The following CCDC3 variants were observed in gnomAD, a reference collection of about 807,000 sequenced individuals.
The protein encoded by CCDC3 is coiled-coil domain-containing protein 3.
CCDC3 carries 24 observed loss-of-function variants against 21.4 expected under a neutral mutation model. The observed-to-expected ratio is 1.12, with a 90% CI of 0.81 to 1.58. The LOEUF is 1.58. Ranked by LOEUF, CCDC3 falls within the 40% of genes most tolerant of loss-of-function variation. The pLI, the probability that CCDC3 is intolerant of heterozygous loss-of-function variation, is 0.00. For missense variants in CCDC3, 425 were observed against 360.9 expected (o/e 1.18, Z -1.44); for synonymous variants, 186 against 166.0 (o/e 1.12, Z -0.93).
intron 2 of CCDC3, among the ~76,000 whole-genome samples, chr10:12,977,721 T>A (rs1490808723): frequency 6.6e-6 from 1 of 152,216 alleles, no homozygotes; most frequent in African/African-American, 2.4e-5. Context: ...TAGGAAAGAT[T>A]TATTGCCAAC....
intron 2 of CCDC3, among the ~76,000 whole-genome samples, chr10:12,913,085 T>C (rs555217261): frequency 7.5e-4 from 114 of 152,354 alleles, no homozygotes; most frequent in African/African-American, 2.5e-3. Context: ...TCAAGGTCTT[T>C]TGTGGCTCCA....
At chr10:13,036,682 A>G (rs1836382145) in intron 5 of CCDC3, among the ~76,000 whole-genome samples, 1 of 151,738 alleles carries the variant, frequency 6.6e-6, no homozygotes, top group Non-Finnish European at 1.5e-5. Context: ...ATGGGGTTTC[A>G]CCATGTTGGC....
At chr10:12,943,821 T>C (rs1225610390) in intron 2 of CCDC3, among the ~76,000 whole-genome samples, 1 of 151,624 alleles carries the variant, frequency 6.6e-6, no homozygotes, top group Non-Finnish European at 1.5e-5. Flanking sequence ...AGGAAGAGAG[T>C]TTTTCTCTTT....
At chr10:12,934,696 C>T (rs1251006) in intron 2 of CCDC3, among the ~76,000 whole-genome samples, 19,077 of 152,084 alleles carry the variant, frequency 0.13, 1,506 homozygotes, top group African/African-American at 0.22. Context: ...TACATAATGG[C>T]CCTCTTTATA....
At chr10:12,900,310 C>T (rs1476991064) in intron 2 of CCDC3, among the ~76,000 whole-genome samples, 1 of 152,002 alleles carries the variant, frequency 6.6e-6, no homozygotes, top group Non-Finnish European at 1.5e-5. Context: ...TCTCCTTTCT[C>T]CCATTTTACC....
At chr10:12,981,414 G>A (rs755981840) in intron 2 of CCDC3, among the ~76,000 whole-genome samples, 1 of 151,972 alleles carries the variant, frequency 6.6e-6, no homozygotes, top group Non-Finnish European at 1.5e-5. Context: ...CAGAACTCCT[G>A]ACCTCAGGTG....
chr10:13,081,163 TAA>T (rs35141816), intron 3 of CCDC3, among the ~76,000 whole-genome samples: 2,585 of 128,354 alleles, frequency 0.02, 66 homozygotes, highest in African/African-American at 0.066. Flanking sequence ...AACTATAAAG[TAA>T]AAAAAAAAAA....
At chr10:13,014,464 A>AG (rs1389109280) in intron 5 of CCDC3, among the ~76,000 whole-genome samples, 2 of 49,680 alleles carry the variant, frequency 4.0e-5, no homozygotes, top group African/African-American at 8.6e-5. Flanking sequence ...AAAAGAAAAA[A>AG]AAAAAAGAAA....
chr10:13,065,795 C>T (rs1458504265), intron 4 of CCDC3, among the ~76,000 whole-genome samples: 2 of 152,178 alleles, frequency 1.3e-5, no homozygotes, highest in Non-Finnish European at 2.9e-5. Context: ...GTCAATCATA[C>T]ATCAATGTCA....
At chr10:13,085,509 C>T (rs904587181) in intron 3 of CCDC3, among the ~76,000 whole-genome samples, 2 of 152,196 alleles carry the variant, frequency 1.3e-5, no homozygotes, top group East Asian at 3.8e-4. Flanking sequence ...AAATCCGTGA[C>T]CCCATCCCCA....
At chr10:12,960,559 G>A (rs1835165611) in intron 2 of CCDC3, among the ~76,000 whole-genome samples, 1 of 152,196 alleles carries the variant, frequency 6.6e-6, no homozygotes, top group South Asian at 2.1e-4. Context: ...AGCCCAAGAT[G>A]CTGGACGTGC....
chr10:12,964,608 G>C (rs1055476303), intron 2 of CCDC3, among the ~76,000 whole-genome samples: 1 of 152,198 alleles, frequency 6.6e-6, no homozygotes, highest in Non-Finnish European at 1.5e-5. Context: ...CGTGCCTGGA[G>C]CTACCACTAC....
At chr10:13,019,487 T>C (rs1836117927) in intron 5 of CCDC3, among the ~76,000 whole-genome samples, 1 of 144,632 alleles carries the variant, frequency 6.9e-6, no homozygotes, top group Non-Finnish European at 1.5e-5. Context: ...TACTGATCTT[T>C]CCGTCTGTGT....
intron 2 of CCDC3, among the ~76,000 whole-genome samples, chr10:12,905,756 T>A (rs1260994279): frequency 6.6e-6 from 1 of 152,212 alleles, no homozygotes; most frequent in South Asian, 2.1e-4. Flanking sequence ...TCCCTTGACA[T>A]TGGACAGATG....
chr10:12,934,033 C>T (rs1589012224), intron 2 of CCDC3, among the ~76,000 whole-genome samples: 2 of 151,988 alleles, frequency 1.3e-5, no homozygotes, highest in East Asian at 3.9e-4. Context: ...AAGTTCAGGC[C>T]ACTGATATTA....
intron 5 of CCDC3, among the ~76,000 whole-genome samples, chr10:13,006,749 G>T (rs1228681806): frequency 6.6e-6 from 1 of 152,084 alleles, no homozygotes. Context: ...TTCCTCAAGG[G>T]CACCTGGCTT....
intron 2 of CCDC3, among the ~76,000 whole-genome samples, chr10:12,910,145 C>CT (rs895175389): frequency 7.9e-5 from 12 of 152,194 alleles, no homozygotes; most frequent in Non-Finnish European, 1.6e-4. Context: ...CAGACACAGG[C>CT]TTTTTTCTGC....
intron 2 of CCDC3, among the ~76,000 whole-genome samples, chr10:12,957,223 C>T (rs2131253404): frequency 6.6e-6 from 1 of 152,302 alleles, no homozygotes; most frequent in African/African-American, 2.4e-5. Flanking sequence ...ATTTCCACTT[C>T]CTAACTAACT....
chr10:12,981,984 G>T (rs949295576), intron 2 of CCDC3, among the ~76,000 whole-genome samples: 3 of 151,716 alleles, frequency 2.0e-5, no homozygotes, highest in African/African-American at 7.3e-5. Flanking sequence ...TTAGCTGGGC[G>T]TGGTGGCATG....
Sources: allele counts gnomAD v4.1 joint callset (sites outside exome capture counted in the v4.1 genomes callset), GRCh38; gene constraint gnomAD v4.1.1; transcripts MANE v1.5; gene names NCBI Gene and HGNC (gene_info 2026-07-23, HGNC 2026-07-21).